The following PDHX variants were observed in gnomAD, a reference collection of about 807,000 sequenced individuals.
PDHX encodes pyruvate dehydrogenase complex component X, also known as pyruvate dehydrogenase protein X component, mitochondrial.
In PDHX, 33 loss-of-function variants were observed where a neutral mutation model predicts 55.3. That is an observed-to-expected ratio of 0.60 (90% CI 0.45 to 0.80). The LOEUF is 0.80. Among genes scored for constraint, PDHX ranks in the 30% least tolerant of loss-of-function variants. The pLI is 0.00. For synonymous variants in PDHX, 226 were observed against 219.4 expected, an observed-to-expected ratio of 1.03 and a Z score of -0.27; for missense variants, 622 against 619.9, an observed-to-expected ratio of 1.00 and a Z score of -0.04.
chr11:34,962,805 T>A (rs1855046888), intron 5 of PDHX, among the ~76,000 whole-genome samples: 2 of 152,204 alleles, frequency 1.3e-5, no homozygotes, highest in Admixed American at 1.3e-4. Flanking sequence ...CCATGTGTGC[T>A]TAATACATAT....
chr11:34,978,575 G>C (rs986486464), intron 8 of PDHX, among the ~76,000 whole-genome samples: 1 of 152,078 alleles, frequency 6.6e-6, no homozygotes, highest in Non-Finnish European at 1.5e-5. Context: ...AAAGGGAAGC[G>C]AGGGAAGCCC....
intron 2 of PDHX, among the ~76,000 whole-genome samples, chr11:34,943,235 A>T (rs747915858): frequency 6.6e-6 from 1 of 152,210 alleles, no homozygotes; most frequent in South Asian, 2.1e-4. Flanking sequence ...GTAATATAAC[A>T]TTTTATATGC....
chr11:34,941,062 G>A (rs1854463538), intron 2 of PDHX, among the ~76,000 whole-genome samples: 1 of 77,502 alleles, frequency 1.3e-5, no homozygotes, highest in South Asian at 3.8e-4. Context: ...GTCGAATACA[G>A]TAGCTACTAG....
At chr11:34,947,130 G>C (rs1430062590) in intron 2 of PDHX, among the ~76,000 whole-genome samples, 1 of 152,152 alleles carries the variant, frequency 6.6e-6, no homozygotes, top group African/African-American at 2.4e-5. Context: ...TTTCTTCAGG[G>C]AATATAGTCA....
intron 3 of PDHX, among the ~76,000 whole-genome samples, chr11:34,956,244 C>T (rs1171011132): frequency 6.6e-6 from 1 of 151,956 alleles, no homozygotes; most frequent in African/African-American, 2.4e-5. Context: ...GAAAGCATTG[C>T]TGCTTTTCTT....
intron 2 of PDHX, among the ~76,000 whole-genome samples, chr11:34,936,799 T>TG (rs1854327674): frequency 3.1e-5 from 4 of 131,102 alleles, no homozygotes; most frequent in Non-Finnish European, 4.8e-5. Context: ...TTTTTTTTTT[T>TG]TTTTTTCTGA....
intron 9 of PDHX, among the ~76,000 whole-genome samples, chr11:34,989,624 A>G (rs1476018117): frequency 6.6e-6 from 1 of 152,152 alleles, no homozygotes; most frequent in Non-Finnish European, 1.5e-5. Context: ...TATCCAGTAC[A>G]CACTTCCCTC....
At chr11:34,938,741 G>A (rs367611207) in intron 2 of PDHX, among the ~76,000 whole-genome samples, 7 of 152,150 alleles carry the variant, frequency 4.6e-5, no homozygotes, top group South Asian at 4.1e-4. Context: ...ATTCACACCC[G>A]TTAGAATATG....
intron 7 of PDHX, 59 bp downstream of exon 7, chr11:34,970,345 CCTTTATAAAATTATAAAATTAAAAG>C: frequency 7.4e-7 from 1 of 1,342,890 alleles, no homozygotes. Context: ...TTCATGAAAT[CCTTTATAAAATTATAAAATTAAAAG>C]CTACATTGTG....
intron 3 of PDHX, among the ~76,000 whole-genome samples, chr11:34,949,051 G>A (rs1248154985): frequency 3.3e-5 from 5 of 152,294 alleles, no homozygotes; most frequent in Admixed American, 6.5e-5. Context: ...TTGGGAGTGG[G>A]AGTGCATATA....
chr11:34,943,305 A>G (rs769936693), intron 2 of PDHX, among the ~76,000 whole-genome samples: 2 of 152,230 alleles, frequency 1.3e-5, no homozygotes, highest in African/African-American at 2.4e-5. Flanking sequence ...GAACAAAATT[A>G]TGTAGGTCAA....
At position 34,947,571 on chromosome 11, in the gene PDHX, G is replaced by A. The variant is rs1233613857; in HGVS notation, c.307G>A (p.Asp103Asn). 6.2e-7 allele frequency: 1 copy of A among 1,612,866 alleles called. No homozygotes were observed. The highest frequency in any genetic ancestry group is 8.5e-7 in the Non-Finnish European group (1 of 1,178,898). ...GACTGACAAAGCTGTGGTTACCTTA[G>A]ATGCAAGTGATGATGGAATCTTGGC... is the stretch of plus-strand genomic sequence containing the variant. ...IETDKAVVTL[D>N]ASDDGILAKI... The change falls in exon 3 of 11, where the codon GAT becomes AAT. Residue 103 changes from aspartate (D) to asparagine (N), a missense_variant. Asp to Asn is a conservative substitution (Grantham distance 23). Coordinates refer to ENST00000227868, the MANE Select transcript of PDHX (RefSeq NM_003477.3).
At chr11:34,927,562 C>T (rs1854053716) in intron 1 of PDHX, among the ~76,000 whole-genome samples, 1 of 152,060 alleles carries the variant, frequency 6.6e-6, no homozygotes, top group South Asian at 2.1e-4. Flanking sequence ...AGGCCTGTCA[C>T]TTCAAGTTTA....
intron 2 of PDHX, among the ~76,000 whole-genome samples, chr11:34,933,057 A>G (rs576456705): frequency 6.6e-6 from 1 of 152,354 alleles, no homozygotes; most frequent in South Asian, 2.1e-4. Flanking sequence ...CTTTAAAAAC[A>G]ACAATAGTTG....
chr11:34,987,853 C>T (rs1010881204), intron 9 of PDHX, among the ~76,000 whole-genome samples: 3 of 152,002 alleles, frequency 2.0e-5, no homozygotes, highest in African/African-American at 7.2e-5. Context: ...CAGCATCTGC[C>T]TGAGTGTCCA....
intron 1 of PDHX, among the ~76,000 whole-genome samples, chr11:34,928,015 A>G (rs556865287): frequency 6.6e-6 from 1 of 152,256 alleles, no homozygotes; most frequent in African/African-American, 2.4e-5. Flanking sequence ...TGATGTGGTA[A>G]CTTGAAAGAT....
intron 7 of PDHX, among the ~76,000 whole-genome samples, chr11:34,974,977 T>C (rs1186752168): frequency 6.6e-6 from 1 of 152,160 alleles, no homozygotes; most frequent in African/African-American, 2.4e-5. Context: ...TATTTTCTGG[T>C]TTTTGATAGT....
chr11:34,957,727 G>T, intron 4 of PDHX, 144 bp downstream of exon 4: 1 of 575,852 alleles, frequency 1.7e-6, no homozygotes, highest in Non-Finnish European at 2.9e-6. Context: ...CTTAGAGTGT[G>T]TGTTTTTTTT....
At chr11:34,955,009 A>G (rs1431189617) in intron 3 of PDHX, among the ~76,000 whole-genome samples, 2 of 152,204 alleles carry the variant, frequency 1.3e-5, no homozygotes, top group Non-Finnish European at 2.9e-5. Flanking sequence ...ATATTTCAGT[A>G]TCGATGAGCT....
Sources: allele counts gnomAD v4.1 joint callset (sites outside exome capture counted in the v4.1 genomes callset), GRCh38; gene constraint gnomAD v4.1.1; transcripts MANE v1.5; gene names NCBI Gene and HGNC (gene_info 2026-07-23, HGNC 2026-07-21).